RAB3GAP1: variants seen among roughly 807,000 people sequenced by gnomAD.
The protein encoded by RAB3GAP1 is RAB3 GTPase activating protein catalytic subunit 1.
A neutral mutation model predicts 130.7 loss-of-function variants in RAB3GAP1; 86 were observed. The ratio of observed to expected loss-of-function variants is 0.66; its 90% CI spans 0.55 to 0.79. The LOEUF is 0.79. Ranked by LOEUF, RAB3GAP1 falls within the 30% of genes least tolerant of loss-of-function variation. RAB3GAP1 has a pLI of 0.00. For missense variants in RAB3GAP1, 1,029 were observed against 1,169.4 expected (o/e 0.88, Z 1.75); for synonymous variants, 367 against 401.7 (o/e 0.91, Z 1.03).
At chr2:135,138,516 GTAT>G (rs1425565645) in intron 17 of RAB3GAP1, among the ~76,000 whole-genome samples, 1 of 151,780 alleles carries the variant, frequency 6.6e-6, no homozygotes, top group Non-Finnish European at 1.5e-5. Context: ...TAACTAACAA[GTAT>G]TATTGGTTTG....
intron 3 of RAB3GAP1, among the ~76,000 whole-genome samples, chr2:135,062,119 G>A (rs1035738605): frequency 1.3e-5 from 2 of 151,734 alleles, no homozygotes; most frequent in African/African-American, 4.8e-5. Context: ...CCACCATGTT[G>A]GCCAGGCTGG....
At chr2:135,156,442 CAG>C (rs1274162851) in intron 19 of RAB3GAP1, among the ~76,000 whole-genome samples, 3 of 152,048 alleles carry the variant, frequency 2.0e-5, no homozygotes, top group Non-Finnish European at 4.4e-5. Context: ...CGGAAGTAAA[CAG>C]ACTCTAATAT....
At position 135,093,665 on chromosome 2, in the gene RAB3GAP1, C is replaced by T. The variant is rs758575393; in HGVS notation, c.334C>T (p.Pro112Ser). ...TTTGCTGGGTATGAATAATGACTTT[C>T]CTCCAAGAGCACATTGCCTGGTAAG... Reference protein sequence around the residue: ...QDLLGMNNDFPPRAHCLVRWY... With the variant: ...QDLLGMNNDFSPRAHCLVRWY... The change falls in exon 5 of 24, where the codon CCT becomes TCT. Residue 112 changes from proline to serine, a missense_variant. Physicochemically the swap from Pro to Ser is moderately conservative, Grantham distance 74 (BLOSUM62 -1). This residue lies in a region of RAB3GAP1 where 510 missense variants were observed against 532.1 expected (regional missense o/e 0.96). Coordinates refer to ENST00000264158, the MANE Select transcript of RAB3GAP1 (RefSeq NM_012233.3). 7 of 1,613,038 alleles carry T rather than the reference C, an allele frequency of 4.3e-6. No individual in the cohort carries two copies. Among genetic ancestry groups the T allele is most frequent in the Non-Finnish European group, 5.1e-6 (6 of 1,179,140 alleles).
chr2:135,104,735 T>TAAATAAAC (rs1386444838), intron 5 of RAB3GAP1, among the ~76,000 whole-genome samples: 2 of 150,540 alleles, frequency 1.3e-5, no homozygotes, highest in African/African-American at 4.9e-5. Context: ...AATAAATAAA[T>TAAATAAAC]AAAATTAGCT....
At chr2:135,093,287 GAAGAAAAGTAGAGGC>G (rs573125398) in intron 4 of RAB3GAP1, among the ~76,000 whole-genome samples, 2 of 152,174 alleles carry the variant, frequency 1.3e-5, no homozygotes, top group Non-Finnish European at 2.9e-5. Flanking sequence ...ATAGAATGTT[GAAGAAAAGTAGAGGC>G]AAGGACAGGC....
chr2:135,141,476 G>A (rs986470916), intron 17 of RAB3GAP1, among the ~76,000 whole-genome samples: 4 of 151,912 alleles, frequency 2.6e-5, no homozygotes, highest in Admixed American at 1.3e-4. Context: ...TGCCTGTCTG[G>A]GCCTCCCAAA....
chr2:135,129,859 C>T, intron 11 of RAB3GAP1, 136 bp from the exon 12 acceptor site: 1 of 661,472 alleles, frequency 1.5e-6, no homozygotes, highest in Non-Finnish European at 2.6e-6. Context: ...TTGTTTTTTT[C>T]AATGGAAAAA....
In RAB3GAP1 at chr2:135,081,345, T is replaced by A. The variant is rs1461708215; in HGVS notation, c.151-9653T>A. On this transcript the variant is annotated intron_variant, in intron 3 of 23. Coordinates refer to ENST00000264158, the MANE Select transcript of RAB3GAP1 (RefSeq NM_012233.3). ...AAAAAAAAATATATATATATATATA[T>A]ATATATATATATATATACACACACG... 5.2e-3 allele frequency among the ~76,000 whole-genome samples: 478 copies of A among 91,772 alleles called. 4 individuals are homozygous for A. Among genetic ancestry groups the A allele is most frequent in the African/African-American group, 0.027 (439 of 16,350 alleles). The allele number at this position is 91,772 out of a possible 152,430, so 60.2% of individuals were successfully genotyped here.
chr2:135,135,660 A>C lies in RAB3GAP1; in HGVS notation c.1651A>C (p.Lys551Gln). The C allele has an allele frequency of 6.2e-7, 1 of 1,613,838 alleles. No individual in the cohort carries two copies. Among genetic ancestry groups the C allele is most frequent in the South Asian group, 1.1e-5 (1 of 91,032 alleles). Reference protein sequence around the residue: ...VTNIYPGDAGKAGDQLVPDNL... With the variant: ...VTNIYPGDAGQAGDQLVPDNL... Reference sequence around the variant, plus strand: ...TAATATATATCCAGGGGATGCTGGAAAAGCAGGAGACCAGTTGGTGCCAGA... The same window carrying C: ...TAATATATATCCAGGGGATGCTGGACAAGCAGGAGACCAGTTGGTGCCAGA... The change falls in exon 17 of 24, where the codon AAA becomes CAA. Residue 551 changes from lysine to glutamine, a missense_variant. Transcript: ENST00000264158.
chr2:135,128,721 TC>T (rs1272544595), intron 11 of RAB3GAP1, among the ~76,000 whole-genome samples: 1 of 152,238 alleles, frequency 6.6e-6, no homozygotes, highest in African/African-American at 2.4e-5. Flanking sequence ...ATGGGTTAAT[TC>T]AGAATTAGTT....
At chr2:135,111,362 A>G (rs1690796894) in intron 5 of RAB3GAP1, among the ~76,000 whole-genome samples, 1 of 152,186 alleles carries the variant, frequency 6.6e-6, no homozygotes, top group South Asian at 2.1e-4. Flanking sequence ...ATACAGGATA[A>G]TCAGTTTGAC....
chr2:135,153,618 G>A, intron 18 of RAB3GAP1, 31 bp from the exon 19 acceptor site: 2 of 1,599,730 alleles, frequency 1.3e-6, no homozygotes. Context: ...ATTTTCATTT[G>A]ATTCTGCTGA....
Position 135,089,319 on chromosome 2 carries a change from C to T in RAB3GAP1, c.151-1679C>T, listed in dbSNP as rs543846432. Among the ~76,000 whole-genome samples the T allele has an allele frequency of 4.6e-5, 7 of 152,150 alleles. No homozygotes were observed. The South Asian group carries it at 1.4e-3, about 32-fold the overall frequency. ...CCTTGTAATGTAGTTTGAAGTCAGG[C>T]AGCGTGATACCTCCAGCTTTGTTCT... On this transcript the variant is annotated intron_variant, in intron 3 of 23. Transcript: ENST00000264158.
At chr2:135,054,465 G>A (rs189383765) in intron 2 of RAB3GAP1, among the ~76,000 whole-genome samples, 1 of 152,282 alleles carries the variant, frequency 6.6e-6, no homozygotes, top group East Asian at 1.9e-4. Flanking sequence ...TAGAAGGGAG[G>A]ATTGTAACAT....
chr2:135,070,384 A>G (rs904484327), intron 3 of RAB3GAP1, among the ~76,000 whole-genome samples: 14 of 152,208 alleles, frequency 9.2e-5, no homozygotes, highest in Admixed American at 5.2e-4. Flanking sequence ...TAAAAGCCAC[A>G]TAGCTCATCG....
intron 2 of RAB3GAP1, among the ~76,000 whole-genome samples, chr2:135,052,849 G>A (rs1688918368): frequency 1.3e-5 from 2 of 152,198 alleles, no homozygotes. Context: ...ACTCATTATC[G>A]TAAGCAGTAA....
intron 18 of RAB3GAP1, among the ~76,000 whole-genome samples, chr2:135,153,310 G>A (rs1042765392): frequency 2.0e-5 from 3 of 151,834 alleles, no homozygotes; most frequent in Non-Finnish European, 2.9e-5. Flanking sequence ...TCTTTACATC[G>A]AGTTTTTATA....
chr2:135,116,265 A>G (rs1376186756), intron 7 of RAB3GAP1, among the ~76,000 whole-genome samples: 1 of 151,830 alleles, frequency 6.6e-6, no homozygotes, highest in African/African-American at 2.4e-5. Flanking sequence ...TATTGATTAT[A>G]TGTATATTAC....
At chr2:135,101,656 G>A (rs1467972528) in intron 5 of RAB3GAP1, among the ~76,000 whole-genome samples, 2 of 152,118 alleles carry the variant, frequency 1.3e-5, no homozygotes, top group Non-Finnish European at 2.9e-5. Context: ...CTTTGTTAAG[G>A]GACTTTTATA....
Sources: allele counts gnomAD v4.1 joint callset (sites outside exome capture counted in the v4.1 genomes callset), GRCh38; gene constraint gnomAD v4.1.1; regional missense constraint gnomAD v4.1.1; transcripts MANE v1.5; gene names NCBI Gene and HGNC (gene_info 2026-07-23, HGNC 2026-07-21).